CABP1: variants seen among roughly 807,000 people sequenced by gnomAD.
CABP1 encodes the protein calcium-binding protein 1.
Under a neutral mutation model 34.3 loss-of-function variants are expected in CABP1, and 17 were observed. The ratio of observed to expected loss-of-function variants is 0.50; its 90% CI spans 0.34 to 0.74. The LOEUF is 0.74. Among genes scored for constraint, CABP1 ranks in the 30% least tolerant of loss-of-function variants. The pLI is 0.01. For missense variants in CABP1, 373 were observed against 511.1 expected (o/e 0.73, Z 2.61); for synonymous variants, 198 against 229.2 (o/e 0.86, Z 1.23).
chr12:120,657,723 C>T (rs1022496632), intron 1 of CABP1, among the ~76,000 whole-genome samples: 3 of 152,220 alleles, frequency 2.0e-5, no homozygotes, highest in Non-Finnish European at 2.9e-5. Flanking sequence ...GGCGGGCACA[C>T]TCCGTGAAGG....
chr12:120,641,348 C>T lies in CABP1; in HGVS notation c.654+9C>T. 7.8e-7 allele frequency: 1 copy of T among 1,277,970 alleles called. No individual in the cohort carries two copies. The highest frequency in any genetic ancestry group is 9.9e-7 in the Non-Finnish European group (1 of 1,011,552). The allele number at this position is 1,277,970 out of a possible 1,614,324, so 79.2% of individuals were successfully genotyped here. ...GCTCCGCCTTTGGCCAGGTAAGGGC[C>T]GCGCCTCCCGTCAGCGCTCCCGGGA... is the stretch of plus-strand genomic sequence containing the variant. On this transcript the variant is annotated intron_variant, in intron 1 of 5. Transcript: ENST00000316803. The surrounding 1 kb of genome is among the most constrained non-coding windows in gnomAD (Gnocchi z 6.7).
At chr12:120,668,823 G>A (rs1015978838), downstream of CABP1, among the ~76,000 whole-genome samples, 1 of 152,224 alleles carries the variant, frequency 6.6e-6, no homozygotes, top group African/African-American at 2.4e-5. Flanking sequence ...ACTTGGGCAG[G>A]TGTGTGGGGT....
intron 1 of CABP1, among the ~76,000 whole-genome samples, chr12:120,657,630 G>A (rs1474649957): frequency 6.6e-6 from 1 of 152,154 alleles, no homozygotes; most frequent in Non-Finnish European, 1.5e-5. Flanking sequence ...CTACTCCAGG[G>A]CAGAGAACAC....
chr12:120,675,955 A>G, the CABP1 span, among the ~76,000 whole-genome samples: 5 of 152,176 alleles, frequency 3.3e-5, no homozygotes, highest in Non-Finnish European at 5.9e-5. Flanking sequence ...GGGCACCTGT[A>G]ATTCCAGCTA....
chr12:120,674,745 G>T, the CABP1 span, among the ~76,000 whole-genome samples: 4 of 152,126 alleles, frequency 2.6e-5, no homozygotes, highest in African/African-American at 9.6e-5. Flanking sequence ...ACAAAAATTA[G>T]CTGGGCATGG....
chr12:120,673,449 T>C, the CABP1 span, among the ~76,000 whole-genome samples: 1 of 152,162 alleles, frequency 6.6e-6, no homozygotes, highest in East Asian at 1.9e-4. Context: ...CCGGGCATGG[T>C]GGCAGGCACC....
At chr12:120,662,772 C>A (rs1200609351) in intron 5 of CABP1, among the ~76,000 whole-genome samples, 3 of 151,268 alleles carry the variant, frequency 2.0e-5, no homozygotes, top group African/African-American at 7.3e-5. Context: ...GCAACCTCTG[C>A]CTCCTGGATT....
Position 120,661,338 on chromosome 12 carries a change from T to TC in CABP1, c.1087+121dup, listed in dbSNP as rs1459136448. On this transcript the variant is annotated intron_variant, in intron 5 of 5. Transcript: ENST00000316803. The surrounding 1 kb of genome is among the most constrained non-coding windows in gnomAD (Gnocchi z 5.1). ...CCTAATTTTCCAACCCCCAGCCCTT[T>TC]CATCCTCTTATCCCTCCGTCCATGC... 2 of 1,160,534 alleles carry TC rather than the reference T, an allele frequency of 1.7e-6. No individual in the cohort carries two copies. The highest frequency in any genetic ancestry group is 2.5e-5 in the Admixed American group (1 of 39,924). 71.9% of individuals were successfully genotyped at this position (1,160,534 alleles called of 1,614,324 possible). A position where few individuals can be genotyped will look rare whatever the true frequency, so the allele number is the denominator to read the frequency against.
chr12:120,651,750 G>C lies in CABP1; in HGVS notation c.655-8128G>C, dbSNP rs546681593. 3.3e-5 allele frequency among the ~76,000 whole-genome samples: 5 copies of C among 152,264 alleles called. No individual in the cohort carries two copies. The South Asian group carries it at 1.0e-3, about 32-fold the overall frequency. The stretch of plus-strand genomic sequence containing the variant: ...GTCGTCTTCCTCATTTGGCTAAGCT[G>C]CTCACATCAAATTCCTTCTAATCTT... On this transcript the variant is annotated intron_variant, in intron 1 of 5. Coordinates refer to ENST00000316803, the MANE Select transcript of CABP1 (RefSeq NM_001033677.2).
At chr12:120,679,689 T>C in the CABP1 span, among the ~76,000 whole-genome samples, 2 of 151,630 alleles carry the variant, frequency 1.3e-5, no homozygotes, top group Non-Finnish European at 2.9e-5. Context: ...TACCTGGGCA[T>C]GGTGGCGCAT....
the CABP1 span, among the ~76,000 whole-genome samples, chr12:120,672,438 G>T: frequency 6.6e-6 from 1 of 151,934 alleles, no homozygotes; most frequent in Non-Finnish European, 1.5e-5. Flanking sequence ...TTCGGGACCA[G>T]CCTGACCAAC....
Position 120,641,303 on chromosome 12 carries a change from C to T in CABP1, c.618C>T (p.His206=). The change falls in exon 1 of 6, where the codon CAC becomes CAT. Residue 206 remains histidine, a synonymous_variant. Transcript: ENST00000316803. The surrounding 1 kb of genome is among the most constrained non-coding windows in gnomAD (Gnocchi z 6.7). ...AAASEADPFL[H]RLRPMLSSAF... is the part of the protein sequence containing the mutation. Reference sequence around the variant, plus strand: ...CGTCCGAGGCGGACCCGTTCCTCCACCGGCTGCGCCCCATGCTCAGCTCCG... The same window carrying T: ...CGTCCGAGGCGGACCCGTTCCTCCATCGGCTGCGCCCCATGCTCAGCTCCG... The T allele has an allele frequency of 7.5e-7, 1 of 1,330,214 alleles. No individual in the cohort carries two copies. Among genetic ancestry groups the T allele is most frequent in the Non-Finnish European group, 9.6e-7 (1 of 1,041,708 alleles). 82.4% of individuals were successfully genotyped at this position (1,330,214 alleles called of 1,614,324 possible). A position where few individuals can be genotyped will look rare whatever the true frequency, so the allele number is the denominator to read the frequency against.
chr12:120,659,053 G>A, intron 1 of CABP1: 1 of 152,222 alleles, frequency 6.6e-6, no homozygotes, highest in Non-Finnish European at 1.5e-5. Flanking sequence ...CTGACGCCTA[G>A]ATTCAGGGTT....
At chr12:120,678,461 T>C in the CABP1 span, among the ~76,000 whole-genome samples, 2 of 152,346 alleles carry the variant, frequency 1.3e-5, no homozygotes, top group African/African-American at 2.4e-5. Context: ...GTCTTTTCTA[T>C]TTATCAGATT....
chr12:120,675,927 T>G, the CABP1 span, among the ~76,000 whole-genome samples: 1 of 152,074 alleles, frequency 6.6e-6, no homozygotes, highest in African/African-American at 2.4e-5. Context: ...AATACAAAAT[T>G]TAGCTGGGCG....
the CABP1 span, among the ~76,000 whole-genome samples, chr12:120,680,517 G>A: frequency 1.3e-5 from 2 of 152,204 alleles, no homozygotes; most frequent in Non-Finnish European, 1.5e-5. Context: ...GCCGCCCCAA[G>A]TGTTTCTGGG....
At chr12:120,669,044 C>T (rs1881155106), downstream of CABP1, among the ~76,000 whole-genome samples, 1 of 152,194 alleles carries the variant, frequency 6.6e-6, no homozygotes, top group South Asian at 2.1e-4. Context: ...TGCTGTAAAC[C>T]CCAGACACAA....
At chr12:120,646,835 T>A (rs1879559538) in intron 1 of CABP1, among the ~76,000 whole-genome samples, 1 of 152,208 alleles carries the variant, frequency 6.6e-6, no homozygotes, top group Non-Finnish European at 1.5e-5. Context: ...TAAAATTTCC[T>A]ACTGAAGGCT....
chr12:120,661,152 C>G lies in CABP1; in HGVS notation c.1021C>G (p.His341Asp). 1 of 1,613,390 alleles carries G rather than the reference C, an allele frequency of 6.2e-7. No individual in the cohort carries two copies. The highest frequency in any genetic ancestry group is 8.5e-7 in the Non-Finnish European group (1 of 1,180,022). ...GAAGCTCCTGGGTCATCAGGTGGGA[C>G]ACCGAGACATAGAGGAAATTATCCG... ...MRKLLGHQVG[H>D]RDIEEIIRDV... The change falls in exon 5 of 6, where the codon CAC becomes GAC. Residue 341 changes from histidine (H) to aspartate (D), a missense_variant. By Grantham distance (81) the His-to-Asp change is moderately conservative. Transcript: ENST00000316803. This position sits in a 1 kb window ranked among gnomAD's most constrained non-coding sequence, Gnocchi z 5.1.
Sources: allele counts gnomAD v4.1 joint callset (sites outside exome capture counted in the v4.1 genomes callset), GRCh38; gene constraint gnomAD v4.1.1; non-coding constraint Gnocchi (gnomAD v3.1); transcripts MANE v1.5; gene names NCBI Gene and HGNC (gene_info 2026-07-23, HGNC 2026-07-21).